The following DLK2 variants were observed in gnomAD, a reference collection of about 807,000 sequenced individuals.
DLK2 encodes delta like non-canonical Notch ligand 2, also known as protein delta homolog 2.
Under a neutral mutation model 31.3 loss-of-function variants are expected in DLK2, and 9 were observed. The observed-to-expected ratio is 0.29, with a 90% CI of 0.17 to 0.50. The LOEUF (loss-of-function observed/expected upper bound fraction) is 0.50. Ranked by LOEUF, DLK2 falls within the 20% of genes least tolerant of loss-of-function variation. The pLI is 0.98. For missense variants in DLK2, 387 were observed against 526.1 expected, an observed-to-expected ratio of 0.74 and a Z score of 2.59; for synonymous variants, 169 against 201.2, an observed-to-expected ratio of 0.84 and a Z score of 1.35.
intron 3 of DLK2, 122 bp downstream of exon 3, chr6:43,454,289 G>T: frequency 1.1e-6 from 1 of 888,542 alleles, no homozygotes; most frequent in Non-Finnish European, 1.7e-6. Context: ...GGACTGGCCA[G>T]TCAGCCATAG....
rs749547318 is a variant in DLK2 at position 43,452,076 on chromosome 6, T to TA, written c.279dup (p.Ile94TyrfsTer17). On this transcript the variant is annotated frameshift_variant, in exon 5 of 6. Transcript: ENST00000372488. LOFTEE classifies it high-confidence loss of function. Reference sequence around the variant, plus strand: ...TGGCAGGGGGACTGCGTGGTACAGATATGTTCATCTGGAGAGGGGACAGGA... The same window carrying TA: ...TGGCAGGGGGACTGCGTGGTACAGATAATGTTCATCTGGAGAGGGGACAGGA... 1 of 1,614,174 alleles carries TA rather than the reference T, an allele frequency of 6.2e-7. No homozygotes were observed. The highest frequency in any genetic ancestry group is 1.7e-5 in the Admixed American group (1 of 60,026).
intron 2 of DLK2, 52 bp from the exon 3 acceptor site, chr6:43,454,526 T>C (rs1562215203): frequency 6.5e-7 from 1 of 1,535,562 alleles, no homozygotes; most frequent in Admixed American, 2.0e-5. Context: ...CACAGCTCGC[T>C]GGGATGCGGG....
chr6:43,450,934 C>T lies in DLK2; in HGVS notation c.757G>A (p.Val253Ile). Residue 253 changes from valine (V) to isoleucine (I), a missense_variant, in exon 6 of 6, where the codon GTC becomes ATC. Coordinates refer to ENST00000372488, the MANE Select transcript of DLK2 (RefSeq NM_023932.4). This position sits in a 1 kb window ranked among gnomAD's most constrained non-coding sequence, Gnocchi z 4.5. ...TCCACTGTGGTTGGGGGGTCTGGGA[C>T]AGGTAAGACAAGCTCACAGGTCTTG... is the stretch of plus-strand genomic sequence containing the variant. ...GGKTCELVLP[V>I]PDPPTTVDTP... is the part of the protein sequence containing the mutation. The T allele has an allele frequency of 3.1e-6, 5 of 1,614,172 alleles. No homozygotes were observed. Among genetic ancestry groups the T allele is most frequent in the Non-Finnish European group, 4.2e-6 (5 of 1,180,028 alleles).
At position 43,454,830 on chromosome 6, in the gene DLK2, A is replaced by G. The variant is rs1303125016; in HGVS notation, c.-5T>C. ...GCAGCGGCAGCCGCTGGGCATGGTC[A>G]GCGCCGGCCCCAGGAGGGACGGACG... is the stretch of plus-strand genomic sequence containing the variant. On this transcript the variant is annotated 5_prime_UTR_variant, in exon 2 of 6. Coordinates refer to ENST00000372488, the MANE Select transcript of DLK2 (RefSeq NM_023932.4). 1 of 1,545,656 alleles carries G rather than the reference A, an allele frequency of 6.5e-7. No individual in the cohort carries two copies. The highest frequency in any genetic ancestry group is 8.7e-7 in the Non-Finnish European group (1 of 1,151,714).
intron 3 of DLK2, 103 bp downstream of exon 3, chr6:43,454,308 A>G: frequency 9.3e-7 from 1 of 1,079,770 alleles, no homozygotes; most frequent in South Asian, 1.5e-5. Context: ...AGGAGTGATG[A>G]GGCATGAAGA....
intron 1 of DLK2, 118 bp downstream of exon 1, chr6:43,455,277 G>A (rs1226015744): frequency 7.8e-6 from 1 of 127,872 alleles, no homozygotes; most frequent in Non-Finnish European, 1.6e-5. Context: ...AGCTCCGACA[G>A]CCCCCCCCCC....
rs1230428312 is a variant in DLK2 at position 43,454,891 on chromosome 6, G to A, written c.-55-11C>T. 6.5e-7 allele frequency: 1 copy of A among 1,526,982 alleles called. No individual in the cohort carries two copies. The highest frequency in any genetic ancestry group is 2.5e-5 in the East Asian group (1 of 40,586). 94.6% of individuals were successfully genotyped at this position (1,526,982 alleles called of 1,614,324 possible). A position where few individuals can be genotyped will look rare whatever the true frequency, so the allele number is the denominator to read the frequency against. Reference sequence around the variant, plus strand: ...CGGACGCGTGGACACCTGTGGGACGGCACCGGTTGGGAGGCGGCCGGACGC... The same window carrying A: ...CGGACGCGTGGACACCTGTGGGACGACACCGGTTGGGAGGCGGCCGGACGC... On this transcript the variant is annotated splice_polypyrimidine_tract_variant and intron_variant, in intron 1 of 5. Coordinates refer to ENST00000372488, the MANE Select transcript of DLK2 (RefSeq NM_023932.4).
rs375111558 is a variant in DLK2, at chr6:43,451,920, C to G, written c.416+20G>C. 6.8e-6 allele frequency: 11 copies of G among 1,613,254 alleles called. No homozygotes were observed. Among genetic ancestry groups the G allele is most frequent in the South Asian group, 5.5e-5 (5 of 90,972 alleles). ...GGTTCTGGTCTAACCTTCCACTCAC[C>G]CTGAGGGCCCAGCACTCACCCTGCC... On this transcript the variant is annotated intron_variant, in intron 5 of 5. Coordinates refer to ENST00000372488, the MANE Select transcript of DLK2 (RefSeq NM_023932.4). The surrounding 1 kb of genome is among the most constrained non-coding windows in gnomAD (Gnocchi z 4.4).
Position 43,452,026 on chromosome 6 carries a change from G to A in DLK2, c.330C>T (p.Asp110=), listed in dbSNP as rs373026615. 19 of 1,614,084 alleles carry A rather than the reference G, an allele frequency of 1.2e-5. No homozygotes were observed. The African/African-American group carries it at 1.6e-4, about 14-fold the overall frequency. ...ACACACAATGGTACTCACCGCCCCC[G>A]TCATACATGCACTGGCCTCCATTCT... ...PCQNGGQCMY[D]GGGEYHCVCL... The change falls in exon 5 of 6, where the codon GAC becomes GAT. Residue 110 remains aspartate, a synonymous_variant. Transcript: ENST00000372488.
In DLK2 at chr6:43,451,248, C is replaced by T; in HGVS notation, c.443G>A (p.Cys148Tyr). ...AGSPCRNGGQ[C>Y]QDDQGFALNF... is the part of the protein sequence containing the mutation. The stretch of plus-strand genomic sequence containing the variant: ...GAGAGCAAAGCCCTGGTCGTCCTGG[C>T]ACTGCCCGCCATTGCGGCATGGGGA... Residue 148 changes from cysteine to tyrosine, a missense_variant, in exon 6 of 6, where the codon TGC becomes TAC. Physicochemically the swap from Cys to Tyr is radical, Grantham distance 194. Transcript: ENST00000372488. The surrounding 1 kb of genome is among the most constrained non-coding windows in gnomAD (Gnocchi z 4.4). The T allele has an allele frequency of 6.2e-7, 1 of 1,614,046 alleles. No homozygotes were observed. The highest frequency in any genetic ancestry group is 8.5e-7 in the Non-Finnish European group (1 of 1,179,976).
chr6:43,454,309 G>A lies in DLK2; in HGVS notation c.140+102C>T. 7 of 1,115,078 alleles carry A rather than the reference G, an allele frequency of 6.3e-6. No homozygotes were observed. In the South Asian group the frequency reaches 1.0e-4, roughly 16 times the overall value. The allele number at this position is 1,115,078 out of a possible 1,614,324, so 69.1% of individuals were successfully genotyped here. On this transcript the variant is annotated intron_variant, in intron 3 of 5. Coordinates refer to ENST00000372488, the MANE Select transcript of DLK2 (RefSeq NM_023932.4). ...GGCCAGTCAGCCATAGGAGTGATGA[G>A]GCATGAAGAGTAGAGTCTGAAGCCC... is the stretch of plus-strand genomic sequence containing the variant.
rs755196384 is a variant in DLK2, at chr6:43,451,002, C to T, written c.689G>A (p.Arg230His). ...PCQRGARCRD[R>H]VHDFDCLCPS... ...GCAGAGGCAGTCGAAGTCGTGGACA[C>T]GGTCCCGACAGCGGGCCCCTCTCTG... Residue 230 changes from arginine (R) to histidine (H), a missense_variant, in exon 6 of 6, where the codon CGT becomes CAT. Arg to His is a conservative substitution (Grantham distance 29). Coordinates refer to ENST00000372488, the MANE Select transcript of DLK2 (RefSeq NM_023932.4). This position sits in a 1 kb window ranked among gnomAD's most constrained non-coding sequence, Gnocchi z 4.4. The T allele has an allele frequency of 1.2e-5, 20 of 1,613,984 alleles. No individual in the cohort carries two copies. Among genetic ancestry groups the T allele is most frequent in the African/African-American group, 9.3e-5 (7 of 74,932 alleles).
At position 43,455,435 on chromosome 6, in the gene DLK2, GCCGGATC is replaced by G. The variant is rs1783944446; in HGVS notation, c.-103_-97del. The stretch of plus-strand genomic sequence containing the variant: ...GGCGCGCCCCGGGGCGCAGAGAGAG[GCCGGATC>G]CGACGGGCGCCGCCGAGGGGCCGTG... On this transcript the variant is annotated 5_prime_UTR_variant, in exon 1 of 6. Transcript: ENST00000372488. The G allele has an allele frequency of 6.8e-6, 1 of 148,144 alleles. No individual in the cohort carries two copies. The highest frequency in any genetic ancestry group is 1.5e-5 in the Non-Finnish European group (1 of 66,624). 9.2% of individuals were successfully genotyped at this position (148,144 alleles called of 1,614,324 possible).
chr6:43,454,642 G>A, intron 2 of DLK2, 108 bp downstream of exon 2: 2 of 1,427,756 alleles, frequency 1.4e-6, no homozygotes, highest in Non-Finnish European at 9.5e-7. Context: ...GGTCTTGCTT[G>A]CCCCGCGGGT....
intron 3 of DLK2, 120 bp downstream of exon 3, chr6:43,454,291 C>T: frequency 1.1e-6 from 1 of 897,792 alleles, no homozygotes; most frequent in Non-Finnish European, 1.7e-6. Flanking sequence ...ACTGGCCAGT[C>T]AGCCATAGGA....
chr6:43,450,447 T>G lies in DLK2; in HGVS notation c.*92A>C. The G allele has an allele frequency of 7.1e-7, 1 of 1,408,158 alleles. No homozygotes were observed. Among genetic ancestry groups the G allele is most frequent in the Non-Finnish European group, 9.5e-7 (1 of 1,048,300 alleles). 87.2% of individuals were successfully genotyped at this position (1,408,158 alleles called of 1,614,324 possible). A position where few individuals can be genotyped will look rare whatever the true frequency, so the allele number is the denominator to read the frequency against. ...GTGTGAGGCTGAGGTCTCCTCTGTG[T>G]GTGTACCCAAGCTGAAGGGTGGTGA... On this transcript the variant is annotated 3_prime_UTR_variant, in exon 6 of 6. Coordinates refer to ENST00000372488, the MANE Select transcript of DLK2 (RefSeq NM_023932.4). The surrounding 1 kb of genome is among the most constrained non-coding windows in gnomAD (Gnocchi z 4.5).
upstream of DLK2, chr6:43,455,937 C>G (rs1783970756): frequency 6.5e-6 from 1 of 152,836 alleles, no homozygotes; most frequent in South Asian, 2.1e-4. Flanking sequence ...CGCTCCCCGC[C>G]CTCCGCCTGT....
At chr6:43,456,436 C>A (rs1389907311), upstream of DLK2, 1 of 152,100 alleles carries the variant, frequency 6.6e-6, no homozygotes, top group East Asian at 1.9e-4. Context: ...AGGACCCAGC[C>A]AAGCTCGGTG....
rs1783779223 is a variant in DLK2 at position 43,452,011 on chromosome 6, G to A, written c.345C>T (p.Tyr115=). The change falls in exon 5 of 6, where the codon TAC becomes TAT. Residue 115 remains tyrosine (Y), a synonymous_variant. Coordinates refer to ENST00000372488, the MANE Select transcript of DLK2 (RefSeq NM_023932.4). ...GQCMYDGGGE[Y]HCVCLPGFHG... ...GGAAGCCTGGTAAGCACACACAATG[G>A]TACTCACCGCCCCCGTCATACATGC... The A allele has an allele frequency of 2.5e-6, 4 of 1,614,202 alleles. No homozygotes were observed. The highest frequency in any genetic ancestry group is 3.4e-6 in the Non-Finnish European group (4 of 1,180,038).
Sources: gnomAD v4.1 joint callset for allele counts on GRCh38, gnomAD v4.1.1 for gene constraint, Gnocchi (gnomAD v3.1) non-coding constraint, MANE v1.5 for transcripts, NCBI Gene and HGNC (gene_info 2026-07-23, HGNC 2026-07-21) for gene names.